The following PARP1 variants were observed in gnomAD, a reference collection of about 807,000 sequenced individuals.
PARP1 encodes the protein poly(ADP-ribose) polymerase 1, also known as poly [ADP-ribose] polymerase 1.
PARP1 carries 44 observed loss-of-function variants against 118.7 expected under a neutral mutation model. The observed-to-expected ratio is 0.37, with a 90% CI of 0.29 to 0.48. The LOEUF is 0.48. Ranked by LOEUF, PARP1 falls within the 20% of genes least tolerant of loss-of-function variation. PARP1 has a pLI of 0.99. For synonymous variants in PARP1, 492 were observed against 483.2 expected (o/e 1.02, Z -0.24); for missense variants, 1,100 against 1,272.4 (o/e 0.86, Z 2.06).
At chr1:226,385,414 C>A (rs1664695439) in intron 7 of PARP1, 90 bp downstream of exon 7, 1 of 1,072,024 alleles carries the variant, frequency 9.3e-7, no homozygotes, top group South Asian at 1.3e-5. Flanking sequence ...CATGGCCCTG[C>A]AATCTCAGGG....
At chr1:226,381,282 C>G in intron 8 of PARP1, 74 bp from the exon 9 acceptor site, 1 of 1,574,466 alleles carries the variant, frequency 6.4e-7, no homozygotes, top group Non-Finnish European at 8.7e-7. Context: ...GGTGGAGGAG[C>G]AGGTGAGCCA....
In PARP1 at chr1:226,380,170, C is replaced by A. The variant is rs767741334; in HGVS notation, c.1301-6G>T. 6.2e-7 allele frequency: 1 copy of A among 1,613,818 alleles called. No individual in the cohort carries two copies. Among genetic ancestry groups the A allele is most frequent in the Admixed American group, 1.7e-5 (1 of 60,020 alleles). On this transcript the variant is annotated splice_polypyrimidine_tract_variant and splice_region_variant and intron_variant, in intron 9 of 22. Coordinates refer to ENST00000366794, the MANE Select transcript of PARP1 (RefSeq NM_001618.4). ...ATTCATCTTTTCCACCTCCTCTGTT[C>A]AAATTGAAAGGAAAAAAAACCAAAA...
Position 226,381,121 on chromosome 1 carries a change from C to T in PARP1, c.1247G>A (p.Gly416Glu). The T allele has an allele frequency of 6.2e-7, 1 of 1,614,164 alleles. No individual in the cohort carries two copies. Among genetic ancestry groups the T allele is most frequent in the Non-Finnish European group, 8.5e-7 (1 of 1,180,026 alleles). The change falls in exon 9 of 23, where the codon GGG (glycine) becomes GAG (glutamate). Residue 416 changes from glycine to glutamate, a missense_variant. Physicochemically the swap from Gly to Glu is moderately conservative, Grantham distance 98. Coordinates refer to ENST00000366794, the MANE Select transcript of PARP1 (RefSeq NM_001618.4). ...GTTGGCCGTCCCCGTCAACTTCCCC[C>T]CGAGTTTCTCAATCATGGCCTTCAC... ...DEVKAMIEKLGGKLTGTANKA... is the reference protein window; with the variant it reads ...DEVKAMIEKLEGKLTGTANKA...
At position 226,361,483 on chromosome 1, in the gene PARP1, T is replaced by C. The variant is rs754245878; in HGVS notation, c.3022A>G (p.Asn1008Asp). 1.2e-6 allele frequency: 2 copies of C among 1,612,024 alleles called. No homozygotes were observed. Among genetic ancestry groups the C allele is most frequent in the African/African-American group, 2.7e-5 (2 of 74,816 alleles). Residue 1008 changes from asparagine (N) to aspartate (D), a missense_variant, in exon 23 of 23, where the codon AAT (asparagine) becomes GAT (aspartate). Asn to Asp is a conservative substitution (Grantham distance 23). Transcript: ENST00000366794. Reference protein sequence around the residue: ...NLKYLLKLKFNFKTSLW With the variant: ...NLKYLLKLKFDFKTSLW ...AATTACCACAGGGAGGTCTTAAAAT[T>C]GAATTTCAGTTTCAGCAGATACTTC...
At chr1:226,383,247 A>G in intron 7 of PARP1, 64 bp from the exon 8 acceptor site, 1 of 1,334,420 alleles carries the variant, frequency 7.5e-7, no homozygotes, top group Non-Finnish European at 1.1e-6. Flanking sequence ...CCCATAGACC[A>G]AAGAGGATTT....
chr1:226,378,821 C>G (rs1330265294), intron 12 of PARP1, among the ~76,000 whole-genome samples: 4 of 152,030 alleles, frequency 2.6e-5, no homozygotes, highest in African/African-American at 9.7e-5. Context: ...GGTAACAGAG[C>G]GAGACTATTT....
At chr1:226,382,927 AAG>A (rs1453163963) in intron 8 of PARP1, 107 bp downstream of exon 8, 24 of 1,304,024 alleles carry the variant, frequency 1.8e-5, no homozygotes, top group Non-Finnish European at 2.5e-5. Flanking sequence ...GGGGTCAGCA[AAG>A]AGAGACCCTT....
Position 226,376,971 on chromosome 1 carries a change from G to A in PARP1, c.1941+137C>T, listed in dbSNP as rs1371495886. 28 of 825,454 alleles carry A rather than the reference G, an allele frequency of 3.4e-5. No homozygotes were observed. The East Asian group carries it at 5.4e-4, about 16-fold the overall frequency. 51.1% of individuals were successfully genotyped at this position (825,454 alleles called of 1,614,324 possible). A position where few individuals can be genotyped will look rare whatever the true frequency, so the allele number is the denominator to read the frequency against. On this transcript the variant is annotated intron_variant, in intron 13 of 22. Coordinates refer to ENST00000366794, the MANE Select transcript of PARP1 (RefSeq NM_001618.4). ...CTTCTATTTTTGGGGGAGAATTTGT[G>A]AAGGACTATTATTCTCCTTTCAACA...
chr1:226,399,885 C>T (rs549057510), intron 2 of PARP1, among the ~76,000 whole-genome samples: 25 of 152,158 alleles, frequency 1.6e-4, no homozygotes, highest in South Asian at 4.1e-4. Flanking sequence ...CCTAAAACTG[C>T]TATAAGAAAA....
At chr1:226,404,736 T>C (rs1665109109) in intron 1 of PARP1, among the ~76,000 whole-genome samples, 2 of 152,230 alleles carry the variant, frequency 1.3e-5, no homozygotes, top group Admixed American at 1.3e-4. Flanking sequence ...CTCCATTTGT[T>C]AGCTGCACAG....
chr1:226,365,107 A>G lies in PARP1; in HGVS notation c.2553T>C (p.Phe851=), dbSNP rs752151621. 1.2e-6 allele frequency: 2 copies of G among 1,614,212 alleles called. No homozygotes were observed. Among genetic ancestry groups the G allele is most frequent in the Non-Finnish European group, 1.7e-6 (2 of 1,180,034 alleles). The change falls in exon 19 of 23, where the codon TTT becomes TTC. Residue 851 remains phenylalanine, a synonymous_variant. Transcript: ENST00000366794. Reference sequence around the variant, plus strand: ...GCAATCTTCGGTTATGAAGCTGCTTAAAGGGCTTGTAACGCTGGCATTCGC... The same window carrying G: ...GCAATCTTCGGTTATGAAGCTGCTTGAAGGGCTTGTAACGCTGGCATTCGC... ...REGECQRYKP[F]KQLHNRRLLW... is the part of the protein sequence containing the mutation.
chr1:226,395,503 G>T (rs1664897408), intron 2 of PARP1, among the ~76,000 whole-genome samples: 1 of 152,082 alleles, frequency 6.6e-6, no homozygotes, highest in Non-Finnish European at 1.5e-5. Context: ...AATTTAGGTG[G>T]ATGTGGTGGT....
intron 1 of PARP1, among the ~76,000 whole-genome samples, chr1:226,402,644 C>T (rs367835810): frequency 2.0e-4 from 31 of 152,348 alleles, no homozygotes; most frequent in African/African-American, 6.7e-4. Flanking sequence ...AACACAGCCA[C>T]GAGAAAGGTG....
intron 13 of PARP1, among the ~76,000 whole-genome samples, chr1:226,376,857 C>A (rs181222770): frequency 1.1e-4 from 16 of 152,302 alleles, no homozygotes; most frequent in African/African-American, 2.4e-4. Flanking sequence ...TGTCTATTCA[C>A]AGGAAACTGC....
chr1:226,390,493 C>A lies in PARP1; in HGVS notation c.534G>T (p.Ala178=), dbSNP rs761742692. Residue 178 remains alanine (A), a synonymous_variant, in exon 4 of 23, where the codon GCG becomes GCT. Coordinates refer to ENST00000366794, the MANE Select transcript of PARP1 (RefSeq NM_001618.4). ...GGAGGCTGAAGCCCTTGAGCTGACT[C>A]GCACTGTACTCGGGCCGGAAACCCA... ...EELGFRPEYS[A]SQLKGFSLLA... 6.2e-7 allele frequency: 1 copy of A among 1,614,164 alleles called. No individual in the cohort carries two copies. Among genetic ancestry groups the A allele is most frequent in the South Asian group, 1.1e-5 (1 of 91,080 alleles).
intron 5 of PARP1, among the ~76,000 whole-genome samples, chr1:226,388,064 C>T (rs1466627383): frequency 1.3e-5 from 2 of 152,166 alleles, no homozygotes; most frequent in Non-Finnish European, 2.9e-5. Context: ...TCCCAGACAT[C>T]CAGCATTTTC....
intron 2 of PARP1, among the ~76,000 whole-genome samples, chr1:226,399,986 G>C (rs1253712671): frequency 2.0e-5 from 3 of 152,302 alleles, no homozygotes; most frequent in Middle Eastern, 3.4e-3. Context: ...TTGGGTGACA[G>C]AGCGAGAATC....
intron 13 of PARP1, 65 bp downstream of exon 13, chr1:226,377,043 T>C: frequency 7.1e-7 from 1 of 1,400,360 alleles, no homozygotes; most frequent in South Asian, 1.2e-5. Context: ...CGATGTGGAT[T>C]TTCTAGAATA....
intron 14 of PARP1, among the ~76,000 whole-genome samples, chr1:226,373,583 G>A (rs1558235597): frequency 6.6e-6 from 1 of 152,188 alleles, no homozygotes; most frequent in Non-Finnish European, 1.5e-5. Flanking sequence ...TCTGCCTGCA[G>A]TCTCTGCCAT....
Sources: allele counts gnomAD v4.1 joint callset (sites outside exome capture counted in the v4.1 genomes callset), GRCh38; gene constraint gnomAD v4.1.1; transcripts MANE v1.5; gene names NCBI Gene and HGNC (gene_info 2026-07-23, HGNC 2026-07-21).